XXYLT1: variants seen among roughly 807,000 people sequenced by gnomAD.
The protein encoded by XXYLT1 is xyloside xylosyltransferase 1.
Under a neutral mutation model 28.9 loss-of-function variants are expected in XXYLT1, and 20 were observed. The ratio of observed to expected loss-of-function variants is 0.69; its 90% CI spans 0.49 to 1.00. The LOEUF is 1.00. Ranked by LOEUF, XXYLT1 falls within the 50% of genes least tolerant of loss-of-function variation. The probability of loss-of-function intolerance (pLI) is 0.00; values close to 1 mark genes in which losing one functional copy is unlikely to be tolerated. For synonymous variants in XXYLT1, 257 were observed against 253.8 expected, an observed-to-expected ratio of 1.01 and a Z score of -0.12; for missense variants, 542 against 560.1, an observed-to-expected ratio of 0.97 and a Z score of 0.33.
chr3:195,222,894 A>C (rs190724874), intron 2 of XXYLT1, among the ~76,000 whole-genome samples: 78 of 152,242 alleles, frequency 5.1e-4, no homozygotes, highest in African/African-American at 1.8e-3. Flanking sequence ...TAAATGTTTA[A>C]AAAGCTACAT....
chr3:195,110,877 G>A (rs1717664322), intron 3 of XXYLT1, among the ~76,000 whole-genome samples: 1 of 47,006 alleles, frequency 2.1e-5, no homozygotes, highest in Non-Finnish European at 5.1e-5. Context: ...GTGGTGTGTG[G>A]TGTATGTGTG....
At chr3:195,227,826 C>T (rs183695608) in intron 1 of XXYLT1, among the ~76,000 whole-genome samples, 2 of 152,166 alleles carry the variant, frequency 1.3e-5, no homozygotes, top group African/African-American at 4.8e-5. Context: ...CAGCTCAACC[C>T]GCGATTAGAG....
At position 195,069,962 on chromosome 3, in the gene XXYLT1, GGCTCCA is replaced by G; in HGVS notation, c.929_934del (p.Leu310_Glu311del). On this transcript the variant is annotated inframe_deletion, in exon 4 of 4. Coordinates refer to ENST00000310380, the MANE Select transcript of XXYLT1 (RefSeq NM_152531.5). ...GTCGGCCAGCTGCTGCACCTGCGCC[GGCTCCA>G]GCAGGCGGCTGTAGAGCGGGGACTG... 6.2e-7 allele frequency: 1 copy of G among 1,611,554 alleles called. No homozygotes were observed. The highest frequency in any genetic ancestry group is 8.5e-7 in the Non-Finnish European group (1 of 1,179,670).
intron 3 of XXYLT1, chr3:195,152,219 T>C (rs1051297924): frequency 3.9e-5 from 6 of 152,610 alleles, no homozygotes; most frequent in African/African-American, 1.2e-4. Flanking sequence ...AAATTCAAAA[T>C]GGCACATCTT....
chr3:195,158,978 G>C (rs1237175233), intron 2 of XXYLT1, among the ~76,000 whole-genome samples: 1 of 152,220 alleles, frequency 6.6e-6, no homozygotes, highest in Non-Finnish European at 1.5e-5. Context: ...GCTTTGTGAG[G>C]ACAAAATGAG....
intron 2 of XXYLT1, among the ~76,000 whole-genome samples, chr3:195,169,322 G>A (rs892025915): frequency 6.6e-6 from 1 of 152,220 alleles, no homozygotes; most frequent in African/African-American, 2.4e-5. Context: ...AGGCTGAAAC[G>A]GCAGGGCCTC....
intron 2 of XXYLT1, among the ~76,000 whole-genome samples, chr3:195,217,619 C>A (rs1271791944): frequency 7.4e-6 from 1 of 134,746 alleles, no homozygotes; most frequent in African/African-American, 2.8e-5. Context: ...ATGTGAAGGA[C>A]CTCTTCAAGG....
rs573349473 is a variant in XXYLT1 at position 195,210,113 on chromosome 3, C to T, written c.652+16596G>A. 1.3e-4 allele frequency among the ~76,000 whole-genome samples: 19 copies of T among 150,086 alleles called. No individual in the cohort carries two copies. Among genetic ancestry groups the T allele is most frequent in the Non-Finnish European group, 2.1e-4 (14 of 67,994 alleles). On this transcript the variant is annotated intron_variant, in intron 2 of 3. Coordinates refer to ENST00000310380, the MANE Select transcript of XXYLT1 (RefSeq NM_152531.5). This position sits in a 1 kb window ranked among gnomAD's most constrained non-coding sequence, Gnocchi z 4.8. ...CACACCCTGGCCCAGAATGCCTGCT[C>T]GGCCCCTCCCCCAGCCTTCACCCCA...
At chr3:195,201,193 A>C (rs1722834159) in intron 2 of XXYLT1, among the ~76,000 whole-genome samples, 1 of 152,188 alleles carries the variant, frequency 6.6e-6, no homozygotes, top group Admixed American at 6.5e-5. Flanking sequence ...CTAAGAAGTC[A>C]CTGGACTTCG....
Position 195,085,505 on chromosome 3 carries a change from G to A in XXYLT1, c.786-15394C>T, listed in dbSNP as rs73056504. Among the ~76,000 whole-genome samples, 16 of 152,260 alleles carry A rather than the reference G, an allele frequency of 1.1e-4. 1 individual carries two copies. The highest frequency in any genetic ancestry group is 3.9e-4 in the African/African-American group (16 of 41,544). ...ATTTCACCAGAGACCGCGGTGGGAG[G>A]GGGGAGTCCACCCAGTTCTACTCGA... is the stretch of plus-strand genomic sequence containing the variant. On this transcript the variant is annotated intron_variant, in intron 3 of 3. Transcript: ENST00000310380.
At chr3:195,114,425 C>T (rs1476178280) in intron 3 of XXYLT1, among the ~76,000 whole-genome samples, 1 of 152,212 alleles carries the variant, frequency 6.6e-6, no homozygotes, top group Middle Eastern at 3.2e-3. Flanking sequence ...ACTCCATGTA[C>T]TAAATAAGCC....
intron 2 of XXYLT1, among the ~76,000 whole-genome samples, chr3:195,187,602 A>C (rs542655765): frequency 3.3e-5 from 5 of 152,292 alleles, no homozygotes; most frequent in African/African-American, 1.2e-4. Flanking sequence ...ACAGAAGGGG[A>C]AAGAAATGGG....
intron 1 of XXYLT1, among the ~76,000 whole-genome samples, chr3:195,261,822 C>T (rs1725708448): frequency 6.6e-6 from 1 of 152,188 alleles, no homozygotes; most frequent in Admixed American, 6.5e-5. Context: ...TGAGATATCA[C>T]TTCACACCCA....
chr3:195,148,729 CCT>C (rs577625461), intron 3 of XXYLT1, among the ~76,000 whole-genome samples: 48 of 152,264 alleles, frequency 3.2e-4, no homozygotes, highest in African/African-American at 8.9e-4. Flanking sequence ...GTTAGTGCTG[CCT>C]CTCTCTATTT....
chr3:195,164,457 C>T (rs1721015698), intron 2 of XXYLT1, among the ~76,000 whole-genome samples: 1 of 152,242 alleles, frequency 6.6e-6, no homozygotes, highest in Non-Finnish European at 1.5e-5. Flanking sequence ...GACTACTGTC[C>T]TCTGTCCCCT....
intron 2 of XXYLT1, among the ~76,000 whole-genome samples, chr3:195,188,711 A>G (rs1722303271): frequency 6.6e-6 from 1 of 152,216 alleles, no homozygotes; most frequent in East Asian, 1.9e-4. Context: ...GCTAGCTCCC[A>G]TATCTGTCCA....
At chr3:195,170,093 G>A (rs987901298) in intron 2 of XXYLT1, among the ~76,000 whole-genome samples, 8 of 151,884 alleles carry the variant, frequency 5.3e-5, no homozygotes, top group Admixed American at 2.0e-4. Context: ...TCAGTGATCC[G>A]CCAGCCTCGG....
intron 3 of XXYLT1, among the ~76,000 whole-genome samples, chr3:195,107,734 T>C (rs528537897): frequency 6.0e-5 from 9 of 151,060 alleles, no homozygotes; most frequent in African/African-American, 1.5e-4. Flanking sequence ...CTCCGCACTG[T>C]GACCCCGTCC....
intron 2 of XXYLT1, chr3:195,175,514 G>T (rs1721620163): frequency 6.8e-7 from 1 of 1,478,896 alleles, no homozygotes; most frequent in African/African-American, 1.4e-5. Flanking sequence ...TGTTGACTTT[G>T]CTGCACCCAT....
Sources: gnomAD v4.1 joint callset for allele counts (sites outside exome capture counted in the v4.1 genomes callset) on GRCh38, gnomAD v4.1.1 for gene constraint, Gnocchi (gnomAD v3.1) non-coding constraint, MANE v1.5 for transcripts, NCBI Gene and HGNC (gene_info 2026-07-23, HGNC 2026-07-21) for gene names.